The following PRKAG2 variants were observed in gnomAD, a reference collection of about 807,000 sequenced individuals.
PRKAG2 encodes the protein protein kinase AMP-activated non-catalytic subunit gamma 2.
In PRKAG2, 26 loss-of-function variants were observed where a neutral mutation model predicts 69.6. The ratio of observed to expected loss-of-function variants is 0.37; its 90% CI spans 0.27 to 0.52. The LOEUF (loss-of-function observed/expected upper bound fraction) is 0.52, where lower values mean the gene tolerates loss of function less well. Ranked by LOEUF, PRKAG2 falls within the 20% of genes least tolerant of loss-of-function variation. PRKAG2 has a pLI of 0.90. For synonymous variants in PRKAG2, 293 were observed against 285.0 expected (o/e 1.03, Z -0.28); for missense variants, 557 against 740.0 (o/e 0.75, Z 2.87).
At chr7:151,653,037 T>G (rs1008818916) in intron 4 of PRKAG2, among the ~76,000 whole-genome samples, 1 of 149,086 alleles carries the variant, frequency 6.7e-6, no homozygotes, top group African/African-American at 2.6e-5. Flanking sequence ...CTAATGAAAG[T>G]TAAAGGAAAT....
chr7:151,590,441 G>A (rs1414005708), intron 6 of PRKAG2, among the ~76,000 whole-genome samples: 2 of 152,264 alleles, frequency 1.3e-5, no homozygotes, highest in African/African-American at 4.8e-5. Context: ...GGATCTGGAA[G>A]GAGTGGGACC....
At chr7:151,654,083 A>G (rs1829021878) in intron 4 of PRKAG2, among the ~76,000 whole-genome samples, 1 of 151,616 alleles carries the variant, frequency 6.6e-6, no homozygotes, top group Non-Finnish European at 1.5e-5. Flanking sequence ...TTTGTGTTTT[A>G]TAGATGCTGG....
intron 3 of PRKAG2, among the ~76,000 whole-genome samples, chr7:151,701,469 A>T (rs1354283079): frequency 6.6e-6 from 1 of 152,144 alleles, no homozygotes; most frequent in Non-Finnish European, 1.5e-5. Flanking sequence ...CGGTGTCTTT[A>T]TAAGGAGGAG....
intron 1 of PRKAG2, among the ~76,000 whole-genome samples, chr7:151,824,515 C>T (rs2078863772): frequency 6.6e-6 from 1 of 152,116 alleles, no homozygotes; most frequent in Non-Finnish European, 1.5e-5. Flanking sequence ...TGTGGAGCCC[C>T]TCCCTCTAGG....
chr7:151,599,514 C>G (rs1316695260), intron 5 of PRKAG2, among the ~76,000 whole-genome samples: 1 of 152,186 alleles, frequency 6.6e-6, no homozygotes, highest in Non-Finnish European at 1.5e-5. Context: ...TCACCTAGAA[C>G]AGCAGTCCCT....
chr7:151,769,092 G>A (rs989015382), intron 3 of PRKAG2, among the ~76,000 whole-genome samples: 2 of 152,220 alleles, frequency 1.3e-5, no homozygotes, highest in Non-Finnish European at 2.9e-5. Flanking sequence ...TGCTGGGCAG[G>A]CAGCTTTCTA....
intron 4 of PRKAG2, among the ~76,000 whole-genome samples, chr7:151,643,235 TA>T (rs919683673): frequency 6.6e-6 from 1 of 152,126 alleles, no homozygotes; most frequent in African/African-American, 2.4e-5. Flanking sequence ...ACATTGCAAA[TA>T]AAAAAATAAG....
chr7:151,668,062 G>A (rs900762538), intron 4 of PRKAG2, among the ~76,000 whole-genome samples: 2 of 152,216 alleles, frequency 1.3e-5, no homozygotes, highest in Admixed American at 1.3e-4. Context: ...TGAGAGGTGG[G>A]GCCTAGTGGG....
intron 1 of PRKAG2, among the ~76,000 whole-genome samples, chr7:151,823,841 G>A (rs955339662): frequency 6.6e-5 from 10 of 152,120 alleles, no homozygotes; most frequent in Middle Eastern, 3.2e-3. Context: ...TAGAACCTCT[G>A]GGGAGTTTTC....
chr7:151,595,313 C>T (rs200549512), intron 6 of PRKAG2, 32 bp downstream of exon 6: 1 of 1,549,710 alleles, frequency 6.5e-7, no homozygotes, highest in Non-Finnish European at 8.9e-7. Context: ...CCAAAAAATA[C>T]CAAAAAATTC....
At chr7:151,833,974 T>G (rs370338686) in intron 1 of PRKAG2, among the ~76,000 whole-genome samples, 1 of 152,164 alleles carries the variant, frequency 6.6e-6, no homozygotes, top group Non-Finnish European at 1.5e-5. Flanking sequence ...GCCCGGCCCA[T>G]GGCGGGGGCC....
At chr7:151,601,969 G>T (rs1250265017) in intron 5 of PRKAG2, among the ~76,000 whole-genome samples, 1 of 152,246 alleles carries the variant, frequency 6.6e-6, no homozygotes, top group Non-Finnish European at 1.5e-5. Context: ...TGAAGTTTCA[G>T]TTGGTGTGCT....
intron 4 of PRKAG2, among the ~76,000 whole-genome samples, chr7:151,634,951 T>C (rs962242921): frequency 2.1e-5 from 3 of 144,142 alleles, no homozygotes; most frequent in African/African-American, 5.4e-5. Flanking sequence ...TTTTTTTTTT[T>C]TTTTTCTTTT....
rs1291634082 is a variant in PRKAG2, at chr7:151,814,195, A to T, written c.115-27654T>A. 6.6e-6 allele frequency among the ~76,000 whole-genome samples: 1 copy of T among 152,162 alleles called. No individual in the cohort carries two copies. ...TGATGCTCTTTAAATCACCAAGAAAAAGTTATGTAAGGAGAAAACATACAG... is the reference window on the plus strand; with the variant it reads ...TGATGCTCTTTAAATCACCAAGAAATAGTTATGTAAGGAGAAAACATACAG... On this transcript the variant is annotated intron_variant, in intron 1 of 15. Transcript: ENST00000287878. The surrounding 1 kb of genome is among the most constrained non-coding windows in gnomAD (Gnocchi z 4.8).
Position 151,590,184 on chromosome 7 carries a change from G to A in PRKAG2, c.864+5161C>T, listed in dbSNP as rs73158115. Reference sequence around the variant, plus strand: ...CACTGGCCACTGAGGCAGAAGCCAGGACCAAAGGACTCAGTATGACAGCAT... The same window carrying A: ...CACTGGCCACTGAGGCAGAAGCCAGAACCAAAGGACTCAGTATGACAGCAT... On this transcript the variant is annotated intron_variant, in intron 6 of 15. Transcript: ENST00000287878. Among the ~76,000 whole-genome samples the A allele has an allele frequency of 6.3e-3, 960 of 152,316 alleles. 2 individuals carry two copies. Among genetic ancestry groups the A allele is most frequent in the Non-Finnish European group, 1.0e-2 (680 of 68,022 alleles).
rs1452516036 is a variant in PRKAG2 at position 151,756,647 on chromosome 7, G to A, written c.466+24505C>T. Among the ~76,000 whole-genome samples, 2 of 152,204 alleles carry A rather than the reference G, an allele frequency of 1.3e-5. No homozygotes were observed. Among genetic ancestry groups the A allele is most frequent in the African/African-American group, 2.4e-5 (1 of 41,452 alleles). ...CTTTGGCTCCCGTTCCTGCCAGACA[G>A]ACCAACTGCAGCTCCTGGTTCCAGC... is the stretch of plus-strand genomic sequence containing the variant. On this transcript the variant is annotated intron_variant, in intron 3 of 15. Transcript: ENST00000287878. The surrounding 1 kb of genome is among the most constrained non-coding windows in gnomAD (Gnocchi z 4.9).
At chr7:151,767,570 C>T (rs538895120) in intron 3 of PRKAG2, among the ~76,000 whole-genome samples, 41 of 152,348 alleles carry the variant, frequency 2.7e-4, no homozygotes, top group African/African-American at 9.1e-4. Flanking sequence ...GGATTACAGG[C>T]GTGAGCCACC....
chr7:151,858,861 G>A (rs868778951), intron 1 of PRKAG2, among the ~76,000 whole-genome samples: 2 of 152,142 alleles, frequency 1.3e-5, no homozygotes, highest in Non-Finnish European at 2.9e-5. Flanking sequence ...AAAGATGAAC[G>A]GAACACGAAT....
chr7:151,776,750 G>A (rs983343939), intron 3 of PRKAG2, among the ~76,000 whole-genome samples: 1 of 152,248 alleles, frequency 6.6e-6, no homozygotes, highest in Non-Finnish European at 1.5e-5. Flanking sequence ...CACCCTAGGT[G>A]AGGAAGCAGC....
Sources: gnomAD v4.1 joint callset for allele counts (sites outside exome capture counted in the v4.1 genomes callset) on GRCh38, gnomAD v4.1.1 for gene constraint, Gnocchi (gnomAD v3.1) non-coding constraint, MANE v1.5 for transcripts, NCBI Gene and HGNC (gene_info 2026-07-23, HGNC 2026-07-21) for gene names.